CELSR1: variants seen among roughly 807,000 people sequenced by gnomAD.
CELSR1 encodes the protein cadherin EGF LAG seven-pass G-type receptor 1.
Under a neutral mutation model 249.1 loss-of-function variants are expected in CELSR1, and 110 were observed. The ratio of observed to expected loss-of-function variants is 0.44; its 90% confidence interval spans 0.38 to 0.52. The LOEUF is 0.52. Among genes scored for constraint, CELSR1 ranks in the 20% least tolerant of loss-of-function variants. CELSR1 has a pLI of 0.00. For missense variants in CELSR1, 4,109 were observed against 4,296.4 expected, an observed-to-expected ratio of 0.96 and a Z score of 1.22; for synonymous variants, 2,113 against 1,900.0, an observed-to-expected ratio of 1.11 and a Z score of -2.92.
Position 46,370,389 on chromosome 22 carries a change from CCA to C in CELSR1, c.7760-587_7760-586del, listed in dbSNP as rs1017820199. On this transcript the variant is annotated intron_variant, in intron 25 of 34. Transcript: ENST00000674500. ...CACGCATCACAGATATACACACACA[CCA>C]CAGAGGCACACACCATACACACGTG... Among the ~76,000 whole-genome samples, 252 of 152,202 alleles carry C rather than the reference CCA, an allele frequency of 1.7e-3. 1 individual carries two copies. The highest frequency in any genetic ancestry group is 5.6e-3 in the African/African-American group (234 of 41,522).
In CELSR1 at chr22:46,526,310, C is replaced by T. The variant is rs527723547; in HGVS notation, c.3544+7317G>A. ...GACCTGACACTGCCCACTCCCAAAG[C>T]CCCTGAGACGGGCCAGTGCCACGCT... is the stretch of plus-strand genomic sequence containing the variant. On this transcript the variant is annotated intron_variant, in intron 1 of 34. Coordinates refer to ENST00000674500, the MANE Select transcript of CELSR1 (RefSeq NM_001378328.1). This position sits in a 1 kb window ranked among gnomAD's most constrained non-coding sequence, Gnocchi z 4.7. Among the ~76,000 whole-genome samples the T allele has an allele frequency of 5.3e-5, 8 of 152,348 alleles. No individual in the cohort carries two copies. In the South Asian group the frequency reaches 1.4e-3, roughly 28 times the overall value.
intron 20 of CELSR1, among the ~76,000 whole-genome samples, chr22:46,383,975 G>T: frequency 6.6e-6 from 1 of 151,094 alleles, no homozygotes; most frequent in African/African-American, 2.4e-5. Flanking sequence ...TTTTTTTTGA[G>T]ACGGAGTCTT....
rs535878110 is a variant in CELSR1, at chr22:46,488,590, C to T, written c.3545-24245G>A. ...ACAAAAAGAACAAACGCACCCCCCGCGCCACAGTGGAAAGTCCCCAGAAGC... is the reference window on the plus strand; with the variant it reads ...ACAAAAAGAACAAACGCACCCCCCGTGCCACAGTGGAAAGTCCCCAGAAGC... On this transcript the variant is annotated intron_variant, in intron 1 of 34. Coordinates refer to ENST00000674500, the MANE Select transcript of CELSR1 (RefSeq NM_001378328.1). The surrounding 1 kb of genome is among the most constrained non-coding windows in gnomAD (Gnocchi z 4.7). Among the ~76,000 whole-genome samples, 10 of 152,170 alleles carry T rather than the reference C, an allele frequency of 6.6e-5. No individual in the cohort carries two copies. In the East Asian group the frequency reaches 1.4e-3, roughly 21 times the overall value.
intron 1 of CELSR1, among the ~76,000 whole-genome samples, chr22:46,491,837 A>C (rs1176330123): frequency 2.0e-5 from 3 of 151,854 alleles, no homozygotes; most frequent in Non-Finnish European, 2.9e-5. Flanking sequence ...GGGTTTCACC[A>C]TGTTGGCCAG....
chr22:46,434,381 T>G lies in CELSR1; in HGVS notation c.4523-900A>C, dbSNP rs2079633370. Among the ~76,000 whole-genome samples, 1 of 152,090 alleles carries G rather than the reference T, an allele frequency of 6.6e-6. No homozygotes were observed. Among genetic ancestry groups the G allele is most frequent in the Admixed American group, 6.5e-5 (1 of 15,274 alleles). On this transcript the variant is annotated intron_variant, in intron 4 of 34. Transcript: ENST00000674500. This position sits in a 1 kb window ranked among gnomAD's most constrained non-coding sequence, Gnocchi z 4.9. ...CAGGGGCACCAAAGGACAGGTGCGG[T>G]GGGTACCAGGTCCCGGGCAGAGAAT... is the stretch of plus-strand genomic sequence containing the variant.
Position 46,411,698 on chromosome 22 carries a change from G to A in CELSR1, c.4673C>T (p.Thr1558Ile), listed in dbSNP as rs972748772. The A allele has an allele frequency of 6.2e-7, 1 of 1,614,210 alleles. No homozygotes were observed. The highest frequency in any genetic ancestry group is 1.3e-5 in the African/African-American group (1 of 75,078). Residue 1558 changes from threonine to isoleucine, a missense_variant, in exon 6 of 35, where the codon ACA becomes ATA. Physicochemically the swap from Thr to Ile is moderately conservative, Grantham distance 89. Coordinates refer to ENST00000674500, the MANE Select transcript of CELSR1 (RefSeq NM_001378328.1). The surrounding 1 kb of genome is among the most constrained non-coding windows in gnomAD (Gnocchi z 4.2). ...CATGGTTGTGTCACAATCATCCACT[G>A]TCACCACGGCCATCTTTTCCCCGGA... ...GPSGEKMAVV[T>I]VDDCDTTMAV...
In CELSR1 at chr22:46,484,014, G is replaced by C. The variant is rs553369531; in HGVS notation, c.3545-19669C>G. 5.3e-5 allele frequency among the ~76,000 whole-genome samples: 8 copies of C among 152,206 alleles called. No individual in the cohort carries two copies. The highest frequency in any genetic ancestry group is 1.2e-4 in the Non-Finnish European group (8 of 68,036). ...CCACATCCCTTGCCTCCAGGTAAAGGAGCACAACTGTCAATTTCACGGAGC... is the reference window on the plus strand; with the variant it reads ...CCACATCCCTTGCCTCCAGGTAAAGCAGCACAACTGTCAATTTCACGGAGC... On this transcript the variant is annotated intron_variant, in intron 1 of 34. Transcript: ENST00000674500. The surrounding 1 kb of genome is among the most constrained non-coding windows in gnomAD (Gnocchi z 4.5).
At chr22:46,511,406 C>CG (rs1287155765) in intron 1 of CELSR1, among the ~76,000 whole-genome samples, 2 of 152,206 alleles carry the variant, frequency 1.3e-5, no homozygotes, top group Non-Finnish European at 2.9e-5. Flanking sequence ...AAATCCCAAC[C>CG]GGGACCAACA....
intron 1 of CELSR1, among the ~76,000 whole-genome samples, chr22:46,495,683 GT>G (rs1482116609): frequency 6.6e-6 from 1 of 152,010 alleles, no homozygotes; most frequent in Non-Finnish European, 1.5e-5. Flanking sequence ...AGGCATGGTG[GT>G]GGGCGCCTAT....
chr22:46,444,656 T>C (rs2079796778), intron 2 of CELSR1, among the ~76,000 whole-genome samples: 1 of 152,242 alleles, frequency 6.6e-6, no homozygotes, highest in South Asian at 2.1e-4. Context: ...CTGTATGTGT[T>C]TCCCGTGGCT....
intron 1 of CELSR1, among the ~76,000 whole-genome samples, chr22:46,470,157 G>T (rs566832104): frequency 6.7e-6 from 1 of 150,244 alleles, no homozygotes; most frequent in East Asian, 2.0e-4. Context: ...TACAGATAGG[G>T]TACTGTTTAC....
intron 1 of CELSR1, among the ~76,000 whole-genome samples, chr22:46,482,995 T>C (rs1373501915): frequency 6.6e-6 from 1 of 152,106 alleles, no homozygotes; most frequent in African/African-American, 2.4e-5. Context: ...TTCCCACACA[T>C]GGTCCCAAGC....
intron 1 of CELSR1, among the ~76,000 whole-genome samples, chr22:46,465,900 A>G (rs1489247385): frequency 1.3e-5 from 2 of 152,302 alleles, no homozygotes; most frequent in Admixed American, 6.5e-5. Flanking sequence ...CCCAGTAACG[A>G]CACTCGGGTC....
rs2079268335 is a variant in CELSR1, at chr22:46,406,575, G to A, written c.5226+2421C>T. ...CACACTCCAACCAGGCACTCATGAT[G>A]GGGAGGGCATGTGCTGGGCAGTCCC... On this transcript the variant is annotated intron_variant, in intron 9 of 34. Coordinates refer to ENST00000674500, the MANE Select transcript of CELSR1 (RefSeq NM_001378328.1). The surrounding 1 kb of genome is among the most constrained non-coding windows in gnomAD (Gnocchi z 5.4). 6.6e-6 allele frequency among the ~76,000 whole-genome samples: 1 copy of A among 152,224 alleles called. No homozygotes were observed. The highest frequency in any genetic ancestry group is 1.5e-5 in the Non-Finnish European group (1 of 68,034).
intron 20 of CELSR1, 77 bp from the exon 21 acceptor site, chr22:46,382,127 G>A (rs2078985216): frequency 2.2e-6 from 3 of 1,351,180 alleles, no homozygotes; most frequent in Non-Finnish European, 2.9e-6. Context: ...GCCAGCAGGT[G>A]CTTCTCAAAA....
At chr22:46,519,318 G>A (rs925629393) in intron 1 of CELSR1, among the ~76,000 whole-genome samples, 15 of 152,176 alleles carry the variant, frequency 9.9e-5, no homozygotes, top group Non-Finnish European at 2.1e-4. Context: ...AACAAACAAG[G>A]ACAAAGATCC....
chr22:46,396,872 AAG>A lies in CELSR1; in HGVS notation c.5702-128_5702-127del. 7.7e-7 allele frequency: 1 copy of A among 1,305,688 alleles called. No individual in the cohort carries two copies. The highest frequency in any genetic ancestry group is 1.4e-5 in the South Asian group (1 of 72,024). 80.9% of individuals were successfully genotyped at this position (1,305,688 alleles called of 1,614,324 possible). A position where few individuals can be genotyped will look rare whatever the true frequency, so the allele number is the denominator to read the frequency against. ...CCTGGTACTCAGCAGAGGGAAGAGG[AAG>A]AGTGCCACAGAGTCCCCGAAAACAC... On this transcript the variant is annotated intron_variant, in intron 12 of 34. Transcript: ENST00000674500. This position sits in a 1 kb window ranked among gnomAD's most constrained non-coding sequence, Gnocchi z 6.4.
In CELSR1 at chr22:46,396,065, T is replaced by G. The variant is rs577282325; in HGVS notation, c.5843+540A>C. On this transcript the variant is annotated intron_variant, in intron 13 of 34. Coordinates refer to ENST00000674500, the MANE Select transcript of CELSR1 (RefSeq NM_001378328.1). This position sits in a 1 kb window ranked among gnomAD's most constrained non-coding sequence, Gnocchi z 6.4. ...GACTCCAGGTGAGTCATTTGCATGT[T>G]TCAGGTGTGGACACATGATCCAATG... Among the ~76,000 whole-genome samples the G allele has an allele frequency of 5.9e-5, 9 of 152,292 alleles. No homozygotes were observed. In the South Asian group the frequency reaches 1.9e-3, roughly 32 times the overall value.
intron 31 of CELSR1, 36 bp from the exon 32 acceptor site, chr22:46,365,416 T>C: frequency 6.2e-7 from 1 of 1,607,616 alleles, no homozygotes; most frequent in African/African-American, 1.3e-5. Flanking sequence ...GCTCAGGCCC[T>C]GGGAGGTGAG....
Sources: allele counts gnomAD v4.1 joint callset (sites outside exome capture counted in the v4.1 genomes callset), GRCh38; gene constraint gnomAD v4.1.1; non-coding constraint Gnocchi (gnomAD v3.1); transcripts MANE v1.5; gene names NCBI Gene and HGNC (gene_info 2026-07-23, HGNC 2026-07-21).